Variants in EGLN1 observed in about 807,000 individuals in gnomAD.
The protein encoded by EGLN1 is egl nine homolog 1.
A neutral mutation model predicts 38.3 loss-of-function variants in EGLN1; 17 were observed. That is an observed-to-expected ratio of 0.44 (90% confidence interval 0.30 to 0.67). The LOEUF (loss-of-function observed/expected upper bound fraction) is 0.67, where lower values mean the gene tolerates loss of function less well. EGLN1 is among the 30% of genes least tolerant of loss of function. EGLN1 has a pLI of 0.08. For missense variants in EGLN1, 477 were observed against 603.3 expected (o/e 0.79, Z 2.19); for synonymous variants, 283 against 257.5 (o/e 1.10, Z -0.95).
At chr1:231,406,423 G>C (rs1688797249) in intron 1 of EGLN1, among the ~76,000 whole-genome samples, 2 of 152,084 alleles carry the variant, frequency 1.3e-5, no homozygotes, top group Non-Finnish European at 2.9e-5. Flanking sequence ...ATGCCCTCCA[G>C]AGAAGACATT....
chr1:231,421,444 G>A lies in EGLN1; in HGVS notation c.445C>T (p.Pro149Ser), dbSNP rs374893731. The A allele has an allele frequency of 2.0e-6, 3 of 1,514,364 alleles. No individual in the cohort carries two copies. Among genetic ancestry groups the A allele is most frequent in the Non-Finnish European group, 2.7e-6 (3 of 1,128,930 alleles). The allele number at this position is 1,514,364 out of a possible 1,614,324, so 93.8% of individuals were successfully genotyped here. Residue 149 changes from proline to serine, a missense_variant, in exon 1 of 5, where the codon CCG becomes TCG. Pro to Ser is a moderately conservative substitution (Grantham distance 74, BLOSUM62 -1). This residue lies in a region of EGLN1 where 298 missense variants were observed against 288.9 expected (regional missense o/e 1.03). Transcript: ENST00000366641. This position sits in a 1 kb window ranked among gnomAD's most constrained non-coding sequence, Gnocchi z 5.5. Reference sequence around the variant, plus strand: ...TGGAACAGCGATGAGCGGGCCGGCGGCTCCTCCTTGCCGGGCTCGGCTTCG... The same window carrying A: ...TGGAACAGCGATGAGCGGGCCGGCGACTCCTCCTTGCCGGGCTCGGCTTCG... ...AAEAEPGKEE[P>S]PARSSLFQEK...
intron 1 of EGLN1, among the ~76,000 whole-genome samples, chr1:231,417,298 C>T (rs950482269): frequency 2.0e-5 from 3 of 152,086 alleles, no homozygotes; most frequent in Non-Finnish European, 4.4e-5. Flanking sequence ...TTTTATTACT[C>T]CTTTTCTTTA....
intron 1 of EGLN1, among the ~76,000 whole-genome samples, chr1:231,393,019 G>A (rs1289778310): frequency 1.3e-5 from 2 of 152,216 alleles, no homozygotes; most frequent in South Asian, 2.1e-4. Context: ...AAGCCAATCA[G>A]AGGCAACTCC....
At chr1:231,420,865 G>A in intron 1 of EGLN1, 133 bp downstream of exon 1, 1 of 1,555,660 alleles carries the variant, frequency 6.4e-7, no homozygotes, top group Non-Finnish European at 8.8e-7. Flanking sequence ...TTCCTTACGG[G>A]GAGCTACACA....
At chr1:231,413,258 T>C (rs201236275) in intron 1 of EGLN1, among the ~76,000 whole-genome samples, 2 of 152,102 alleles carry the variant, frequency 1.3e-5, no homozygotes, top group East Asian at 3.9e-4. Flanking sequence ...GTATTTTTAG[T>C]AGAGGTGAGG....
chr1:231,421,511 C>T lies in EGLN1; in HGVS notation c.378G>A (p.Pro126=), dbSNP rs940090389. Residue 126 remains proline, a synonymous_variant, in exon 1 of 5, where the codon CCG becomes CCA. Coordinates refer to ENST00000366641, the MANE Select transcript of EGLN1 (RefSeq NM_022051.3). The surrounding 1 kb of genome is among the most constrained non-coding windows in gnomAD (Gnocchi z 5.5). The part of the protein sequence containing the change: ...PPADPAAAAS[P]CRAAAGGQGS... ...CCTGGCCGCCGGCGGCCGCACGACA[C>T]GGCGACGCGGCCGCCGCTGGGTCGG... 6.0e-5 allele frequency: 79 copies of T among 1,313,940 alleles called. No individual in the cohort carries two copies. Among genetic ancestry groups the T allele is most frequent in the Non-Finnish European group, 7.1e-5 (73 of 1,032,986 alleles). 81.4% of individuals were successfully genotyped at this position (1,313,940 alleles called of 1,614,324 possible).
At chr1:231,400,893 T>G (rs1219180675) in intron 1 of EGLN1, among the ~76,000 whole-genome samples, 1 of 151,800 alleles carries the variant, frequency 6.6e-6, no homozygotes, top group Non-Finnish European at 1.5e-5. Context: ...CTACAAATAA[T>G]ACAAAAATTA....
At chr1:231,381,932 G>A (rs1688087772) in intron 1 of EGLN1, among the ~76,000 whole-genome samples, 1 of 152,202 alleles carries the variant, frequency 6.6e-6, no homozygotes, top group Non-Finnish European at 1.5e-5. Flanking sequence ...ATCCTGAGCA[G>A]GTCTCAGCTT....
intron 1 of EGLN1, among the ~76,000 whole-genome samples, chr1:231,416,961 G>C (rs1689099761): frequency 6.6e-6 from 1 of 152,160 alleles, no homozygotes; most frequent in South Asian, 2.1e-4. Context: ...AGCATACAAA[G>C]AGAATGGAAA....
chr1:231,419,199 T>C (rs1211206965), intron 1 of EGLN1, among the ~76,000 whole-genome samples: 1 of 152,180 alleles, frequency 6.6e-6, no homozygotes, highest in Non-Finnish European at 1.5e-5. Flanking sequence ...ATATGTACAG[T>C]TACGTGACTT....
At chr1:231,387,517 G>A (rs1282637748) in intron 1 of EGLN1, among the ~76,000 whole-genome samples, 16 of 151,868 alleles carry the variant, frequency 1.1e-4, no homozygotes, top group Non-Finnish European at 1.5e-4. Context: ...CTGCCACCAC[G>A]TCCGGCTAAT....
intron 1 of EGLN1, among the ~76,000 whole-genome samples, chr1:231,416,411 A>C (rs1239918411): frequency 1.3e-5 from 2 of 151,690 alleles, no homozygotes; most frequent in Non-Finnish European, 2.9e-5. Flanking sequence ...AGATAAGTAA[A>C]GAGTTACATA....
chr1:231,368,810 C>A (rs982101060), intron 3 of EGLN1, among the ~76,000 whole-genome samples: 1 of 152,142 alleles, frequency 6.6e-6, no homozygotes, highest in Non-Finnish European at 1.5e-5. Context: ...CGTTTACAGA[C>A]CCCACCACTG....
rs886046112 is a variant in EGLN1 at position 231,421,836 on chromosome 1, C to T, written c.53G>A (p.Arg18Gln). The T allele has an allele frequency of 1.3e-6, 2 of 1,519,238 alleles. No individual in the cohort carries two copies. The highest frequency in any genetic ancestry group is 1.7e-6 in the Non-Finnish European group (2 of 1,143,548). The allele number at this position is 1,519,238 out of a possible 1,614,324, so 94.1% of individuals were successfully genotyped here. A position where few individuals can be genotyped will look rare whatever the true frequency, so the allele number is the denominator to read the frequency against. The stretch of plus-strand genomic sequence containing the variant: ...CTTCCCGCACAGCTCGCAGTACTGC[C>T]GGTCTCGCTCGCTCGGGCTCGGCCC... ...PGGPSPSERDRQYCELCGKME... is the reference protein window; with the variant it reads ...PGGPSPSERDQQYCELCGKME... The change falls in exon 1 of 5, where the codon CGG becomes CAG. Residue 18 changes from arginine (R) to glutamine (Q), a missense_variant. Transcript: ENST00000366641. This position sits in a 1 kb window ranked among gnomAD's most constrained non-coding sequence, Gnocchi z 5.5.
chr1:231,383,584 C>A lies in EGLN1; in HGVS notation c.892-9485G>T, dbSNP rs552623797. 7.3e-3 allele frequency among the ~76,000 whole-genome samples: 1,113 copies of A among 152,208 alleles called. 8 individuals carry two copies. The highest frequency in any genetic ancestry group is 0.011 in the South Asian group (52 of 4,818). The stretch of plus-strand genomic sequence containing the variant: ...TTCTGTACAGGGAAAAGAATATTTG[C>A]AAAAACAGAATCAATATGGTGCCTT... On this transcript the variant is annotated intron_variant, in intron 1 of 4. Coordinates refer to ENST00000366641, the MANE Select transcript of EGLN1 (RefSeq NM_022051.3).
chr1:231,413,278 GT>G (rs1290620889), intron 1 of EGLN1, among the ~76,000 whole-genome samples: 1 of 152,022 alleles, frequency 6.6e-6, no homozygotes, highest in Non-Finnish European at 1.5e-5. Context: ...GTTTCACCAT[GT>G]TGGCCAGGCT....
At chr1:231,411,197 C>A (rs1688934055) in intron 1 of EGLN1, among the ~76,000 whole-genome samples, 1 of 152,142 alleles carries the variant, frequency 6.6e-6, no homozygotes, top group African/African-American at 2.4e-5. Context: ...CAGTTTCCCT[C>A]ATGCTGTTCT....
intron 1 of EGLN1, among the ~76,000 whole-genome samples, chr1:231,410,691 GA>G (rs756377137): frequency 6.6e-6 from 1 of 150,704 alleles, no homozygotes; most frequent in African/African-American, 2.4e-5. Flanking sequence ...TGAACTTTAG[GA>G]AAAAAAACTA....
At chr1:231,400,236 C>T (rs1688630122) in intron 1 of EGLN1, among the ~76,000 whole-genome samples, 1 of 152,000 alleles carries the variant, frequency 6.6e-6, no homozygotes, top group South Asian at 2.1e-4. Flanking sequence ...AATTCTCAGA[C>T]CCAAATGTGA....
Sources: allele counts gnomAD v4.1 joint callset (sites outside exome capture counted in the v4.1 genomes callset), GRCh38; gene constraint gnomAD v4.1.1; regional missense constraint gnomAD v4.1.1; non-coding constraint Gnocchi (gnomAD v3.1); transcripts MANE v1.5; gene names NCBI Gene and HGNC (gene_info 2026-07-23, HGNC 2026-07-21).